EYS: variants seen among roughly 807,000 people sequenced by gnomAD.
The protein encoded by EYS is protein eyes shut homolog.
A neutral mutation model predicts 282.1 loss-of-function variants in EYS; 250 were observed. That is an observed-to-expected ratio of 0.89 (90% CI 0.80 to 0.98). The LOEUF (loss-of-function observed/expected upper bound fraction) is 0.98. Among genes scored for constraint, EYS ranks in the 50% least tolerant of loss-of-function variants. The probability of loss-of-function intolerance (pLI) is 0.00; values close to 1 mark genes in which losing one functional copy is unlikely to be tolerated. For synonymous variants in EYS, 1,355 were observed against 1,282.9 expected (o/e 1.06, Z -1.20); for missense variants, 4,016 against 3,709.0 (o/e 1.08, Z -2.15).
chr6:64,974,854 C>A lies in EYS; in HGVS notation c.2259+22728G>T, dbSNP rs139121248. On this transcript the variant is annotated intron_variant, in intron 14 of 42. Coordinates refer to ENST00000503581, the MANE Select transcript of EYS (RefSeq NM_001142800.2). ...CATTGATAACATACAAGAGTAATGA[C>A]AGTTTTATGGGTAAGAATATTACAT... Among the ~76,000 whole-genome samples, 90 of 151,794 alleles carry A rather than the reference C, an allele frequency of 5.9e-4. No homozygotes were observed. In the East Asian group the frequency reaches 0.011, roughly 18 times the overall value.
intron 36 of EYS, chr6:63,822,612 A>C (rs1332931220): frequency 3.3e-5 from 5 of 152,272 alleles, no homozygotes. Context: ...TTATGTTTAC[A>C]TACAGCTGTG....
intron 35 of EYS, among the ~76,000 whole-genome samples, chr6:63,967,454 A>G (rs548847011): frequency 6.6e-6 from 1 of 152,356 alleles, no homozygotes; most frequent in Admixed American, 6.5e-5. Flanking sequence ...ATAGCCACAT[A>G]TTAAGATGTT....
chr6:64,764,061 A>T (rs1019613879), intron 22 of EYS, among the ~76,000 whole-genome samples: 4 of 152,142 alleles, frequency 2.6e-5, no homozygotes, highest in Admixed American at 2.6e-4. Context: ...TTTTCCAGGC[A>T]CACTGTGCAA....
At chr6:64,708,540 G>T (rs1011366687) in intron 22 of EYS, among the ~76,000 whole-genome samples, 3 of 152,038 alleles carry the variant, frequency 2.0e-5, no homozygotes, top group African/African-American at 7.2e-5. Context: ...CATGTCATGT[G>T]CCCAGAGTCA....
chr6:63,809,540 A>G (rs1770987439), intron 36 of EYS, among the ~76,000 whole-genome samples: 1 of 152,200 alleles, frequency 6.6e-6, no homozygotes, highest in South Asian at 2.1e-4. Flanking sequence ...CTAAAGTTAC[A>G]TGAATGAATT....
At chr6:64,400,061 A>G (rs1773495302) in intron 28 of EYS, among the ~76,000 whole-genome samples, 1 of 152,004 alleles carries the variant, frequency 6.6e-6, no homozygotes, top group South Asian at 2.1e-4. Context: ...TGAACAGAAG[A>G]AAAAGGATTT....
chr6:65,230,989 C>T (rs1766756609), intron 12 of EYS, among the ~76,000 whole-genome samples: 1 of 149,592 alleles, frequency 6.7e-6, no homozygotes, highest in Admixed American at 6.7e-5. Flanking sequence ...ATCTGTACAA[C>T]AAACCTCCAT....
At chr6:64,263,621 A>G (rs1169101765) in intron 30 of EYS, among the ~76,000 whole-genome samples, 1 of 152,116 alleles carries the variant, frequency 6.6e-6, no homozygotes, top group Non-Finnish European at 1.5e-5. Context: ...TTTTTAATTT[A>G]TCAATATTCA....
At chr6:64,211,138 C>T (rs1457497331) in intron 31 of EYS, among the ~76,000 whole-genome samples, 2 of 152,102 alleles carry the variant, frequency 1.3e-5, no homozygotes, top group Non-Finnish European at 2.9e-5. Flanking sequence ...AGTGCATGAA[C>T]CCATGCCTCT....
chr6:65,344,523 G>C (rs949735111), intron 9 of EYS, among the ~76,000 whole-genome samples: 2 of 151,452 alleles, frequency 1.3e-5, no homozygotes, highest in African/African-American at 2.4e-5. Context: ...AAAAATAAAA[G>C]CAGAGATTGC....
intron 13 of EYS, among the ~76,000 whole-genome samples, chr6:65,025,428 G>T (rs9363323): frequency 0.068 from 10,313 of 152,256 alleles, 440 homozygotes; most frequent in East Asian, 0.13. Context: ...TTTGAGATAT[G>T]CTAAATGTTT....
chr6:64,109,430 T>C (rs1470286678), intron 31 of EYS, among the ~76,000 whole-genome samples: 4 of 152,048 alleles, frequency 2.6e-5, no homozygotes, highest in African/African-American at 4.8e-5. Flanking sequence ...TAAATAATTA[T>C]ATTTCTATGT....
chr6:64,990,024 G>C (rs929765894), intron 14 of EYS, among the ~76,000 whole-genome samples: 5 of 151,318 alleles, frequency 3.3e-5, no homozygotes, highest in African/African-American at 9.7e-5. Flanking sequence ...ACATGTGCTT[G>C]TTTACACATG....
chr6:64,981,612 A>T (rs1770668863), intron 14 of EYS, among the ~76,000 whole-genome samples: 1 of 151,282 alleles, frequency 6.6e-6, no homozygotes, highest in Admixed American at 6.6e-5. Context: ...ATTTCCTCAA[A>T]ATTATAGATC....
intron 19 of EYS, among the ~76,000 whole-genome samples, chr6:64,860,931 C>G (rs1209406637): frequency 6.6e-6 from 1 of 152,176 alleles, no homozygotes; most frequent in African/African-American, 2.4e-5. Flanking sequence ...TTCCGCCTGC[C>G]TCAGAGGAAA....
Position 65,528,064 on chromosome 6 carries a change from G to C in EYS, c.-332-32071C>G, listed in dbSNP as rs192930898. Reference sequence around the variant, plus strand: ...GCTCGAGCACTATACTTTCAGTGTTGAGAAACTGTCCTTCTGGTAACAGCA... The same window carrying C: ...GCTCGAGCACTATACTTTCAGTGTTCAGAAACTGTCCTTCTGGTAACAGCA... On this transcript the variant is annotated intron_variant, in intron 2 of 42. Transcript: ENST00000503581. Among the ~76,000 whole-genome samples the C allele has an allele frequency of 3.7e-4, 56 of 152,268 alleles. 1 individual carries two copies. The highest frequency in any genetic ancestry group is 2.6e-3 in the Admixed American group (40 of 15,288).
chr6:64,686,805 G>A lies in EYS; in HGVS notation c.3444-60560C>T, dbSNP rs796908638. On this transcript the variant is annotated intron_variant, in intron 22 of 42. Transcript: ENST00000503581. ...TATATATATGTGTGTATATATATAT[G>A]TGTGTATATATATATGTGTATATAT... is the stretch of plus-strand genomic sequence containing the variant. Among the ~76,000 whole-genome samples, 249 of 27,060 alleles carry A rather than the reference G, an allele frequency of 9.2e-3. 3 individuals are homozygous for A. The highest frequency in any genetic ancestry group is 0.021 in the Middle Eastern group (1 of 48). 17.8% of individuals were successfully genotyped at this position (27,060 alleles called of 152,430 possible). A position where few individuals can be genotyped will look rare whatever the true frequency, so the allele number is the denominator to read the frequency against.
At chr6:64,331,395 C>T (rs536242341) in intron 29 of EYS, among the ~76,000 whole-genome samples, 8 of 152,106 alleles carry the variant, frequency 5.3e-5, no homozygotes, top group African/African-American at 1.2e-4. Context: ...AACAGAAAGG[C>T]GACAGAGAAG....
At chr6:65,151,096 C>T (rs1310882125) in intron 12 of EYS, among the ~76,000 whole-genome samples, 1 of 151,882 alleles carries the variant, frequency 6.6e-6, no homozygotes, top group South Asian at 2.1e-4. Context: ...TTTAGTATGA[C>T]ATTTTTGACA....
Sources: gnomAD v4.1 joint callset for allele counts (sites outside exome capture counted in the v4.1 genomes callset) on GRCh38, gnomAD v4.1.1 for gene constraint, MANE v1.5 for transcripts, NCBI Gene and HGNC (gene_info 2026-07-23, HGNC 2026-07-21) for gene names.